The following MAML3 variants were observed in gnomAD, a reference collection of about 807,000 sequenced individuals.
MAML3 encodes mastermind-like protein 3.
In MAML3, 27 loss-of-function variants were observed where a neutral mutation model predicts 101.9. The ratio of observed to expected loss-of-function variants is 0.27; its 90% CI spans 0.20 to 0.37. MAML3 has a LOEUF of 0.37. Ranked by LOEUF, MAML3 falls within the 10% of genes least tolerant of loss-of-function variation. MAML3 has a pLI of 1.00. For missense variants in MAML3, 1,316 were observed against 1,444.9 expected, an observed-to-expected ratio of 0.91 and a Z score of 1.45; for synonymous variants, 501 against 555.9, an observed-to-expected ratio of 0.90 and a Z score of 1.39.
chr4:139,916,035 C>T (rs58491771), intron 1 of MAML3, among the ~76,000 whole-genome samples: 17,385 of 152,206 alleles, frequency 0.11, 3,108 homozygotes, highest in African/African-American at 0.38. Flanking sequence ...ACATCAACCA[C>T]GCAAGGTAGG....
intron 2 of MAML3, among the ~76,000 whole-genome samples, chr4:139,796,131 A>G (rs1730507584): frequency 6.6e-6 from 1 of 152,214 alleles, no homozygotes; most frequent in Non-Finnish European, 1.5e-5. Flanking sequence ...GTAATTTTGT[A>G]TAAACAAAGG....
intron 1 of MAML3, among the ~76,000 whole-genome samples, chr4:139,985,556 C>T (rs980327932): frequency 3.9e-5 from 6 of 152,176 alleles, no homozygotes; most frequent in African/African-American, 1.4e-4. Flanking sequence ...GTGAAACTTG[C>T]CCAACTAACT....
At chr4:139,796,706 AC>A (rs1212365190) in intron 2 of MAML3, among the ~76,000 whole-genome samples, 14 of 152,278 alleles carry the variant, frequency 9.2e-5, no homozygotes, top group African/African-American at 3.4e-4. Flanking sequence ...GATATAATGA[AC>A]CATGAGGTAG....
intron 2 of MAML3, among the ~76,000 whole-genome samples, chr4:139,738,211 G>A (rs575548906): frequency 3.9e-5 from 6 of 152,316 alleles, no homozygotes; most frequent in Admixed American, 1.3e-4. Flanking sequence ...CTGTGTTTCT[G>A]GTGCTAGCTT....
intron 3 of MAML3, among the ~76,000 whole-genome samples, chr4:139,726,242 C>T (rs1292379342): frequency 1.3e-5 from 2 of 152,220 alleles, no homozygotes; most frequent in Non-Finnish European, 2.9e-5. Flanking sequence ...TTGTGAGATT[C>T]ATCCACGTGG....
At chr4:140,083,244 G>A (rs1169497672) in intron 1 of MAML3, among the ~76,000 whole-genome samples, 3 of 152,160 alleles carry the variant, frequency 2.0e-5, no homozygotes, top group Non-Finnish European at 2.9e-5. Flanking sequence ...CTTCATCTTT[G>A]TGGCATCTGT....
In MAML3 at chr4:139,735,874, G is replaced by A. The variant is rs1280062297; in HGVS notation, c.2080-5207C>T. On this transcript the variant is annotated intron_variant, in intron 2 of 4. Coordinates refer to ENST00000509479, the MANE Select transcript of MAML3 (RefSeq NM_018717.5). The surrounding 1 kb of genome is among the most constrained non-coding windows in gnomAD (Gnocchi z 5.8). ...GGCAGGGGCGGTGCGGCGGCGCTCG[G>A]GAGACCCGCGAGGGGCCCTGGAGGT... 6.6e-6 allele frequency among the ~76,000 whole-genome samples: 1 copy of A among 151,928 alleles called. No homozygotes were observed. The highest frequency in any genetic ancestry group is 2.4e-5 in the African/African-American group (1 of 41,400).
At chr4:139,881,343 C>T (rs538130608) in intron 2 of MAML3, among the ~76,000 whole-genome samples, 4 of 152,252 alleles carry the variant, frequency 2.6e-5, no homozygotes, top group African/African-American at 4.8e-5. Flanking sequence ...TAGTAAGACA[C>T]GCCCCTCAGC....
intron 2 of MAML3, among the ~76,000 whole-genome samples, chr4:139,838,226 C>G (rs1181585738): frequency 6.6e-6 from 1 of 152,068 alleles, no homozygotes; most frequent in Non-Finnish European, 1.5e-5. Context: ...TTCATTTGGT[C>G]CCAAGGCTAC....
At chr4:140,051,054 T>C (rs1386921311) in intron 1 of MAML3, among the ~76,000 whole-genome samples, 1 of 152,166 alleles carries the variant, frequency 6.6e-6, no homozygotes, top group Non-Finnish European at 1.5e-5. Flanking sequence ...TTCCCTCCCA[T>C]TGAGAAAGAA....
At chr4:140,151,772 A>G (rs1371756314) in intron 1 of MAML3, among the ~76,000 whole-genome samples, 1 of 151,204 alleles carries the variant, frequency 6.6e-6, no homozygotes, top group Non-Finnish European at 1.5e-5. Flanking sequence ...GAGAGGGGAG[A>G]TAAGAGAAAG....
chr4:140,057,105 G>A (rs765346496), intron 1 of MAML3, among the ~76,000 whole-genome samples: 2 of 152,216 alleles, frequency 1.3e-5, no homozygotes, highest in South Asian at 2.1e-4. Flanking sequence ...CAAGACCCCC[G>A]TCTCTACGAA....
chr4:139,993,952 T>G (rs535921234), intron 1 of MAML3, among the ~76,000 whole-genome samples: 1 of 152,244 alleles, frequency 6.6e-6, no homozygotes, highest in African/African-American at 2.4e-5. Flanking sequence ...TTTTCTTCTA[T>G]GATTTTAGAT....
chr4:139,739,588 G>C (rs1294165340), intron 2 of MAML3, among the ~76,000 whole-genome samples: 2 of 151,404 alleles, frequency 1.3e-5, no homozygotes, highest in Non-Finnish European at 2.9e-5. Context: ...TGAATACTAG[G>C]CAGCCAATAA....
At chr4:139,802,392 G>A (rs180763129) in intron 2 of MAML3, among the ~76,000 whole-genome samples, 1 of 152,182 alleles carries the variant, frequency 6.6e-6, no homozygotes, top group Admixed American at 6.5e-5. Context: ...AGTTGCATCT[G>A]TTCACTGTTT....
At chr4:139,987,101 G>GAC (rs1560857713) in intron 1 of MAML3, among the ~76,000 whole-genome samples, 1 of 152,196 alleles carries the variant, frequency 6.6e-6, no homozygotes, top group Admixed American at 6.5e-5. Context: ...TCCCACTGTA[G>GAC]ACCAGGCAGA....
At chr4:139,822,188 A>C (rs1730983630) in intron 2 of MAML3, among the ~76,000 whole-genome samples, 1 of 151,932 alleles carries the variant, frequency 6.6e-6, no homozygotes, top group South Asian at 2.1e-4. Flanking sequence ...CACCATCACC[A>C]TTATCATCAT....
intron 1 of MAML3, among the ~76,000 whole-genome samples, chr4:139,989,139 G>A (rs1216724545): frequency 6.6e-6 from 1 of 152,100 alleles, no homozygotes; most frequent in African/African-American, 2.4e-5. Context: ...CAGGGCTCTG[G>A]ACGGGACAGA....
At chr4:139,901,595 G>A (rs1211164776) in intron 1 of MAML3, among the ~76,000 whole-genome samples, 1 of 152,180 alleles carries the variant, frequency 6.6e-6, no homozygotes, top group East Asian at 1.9e-4. Flanking sequence ...GGTAAAGGAG[G>A]TTGGTGAGGA....
Sources: gnomAD v4.1 joint callset for allele counts (sites outside exome capture counted in the v4.1 genomes callset) on GRCh38, gnomAD v4.1.1 for gene constraint, Gnocchi (gnomAD v3.1) non-coding constraint, MANE v1.5 for transcripts, NCBI Gene and HGNC (gene_info 2026-07-23, HGNC 2026-07-21) for gene names.